CDH12: variants seen among roughly 807,000 people sequenced by gnomAD.
The protein encoded by CDH12 is cadherin-12.
Under a neutral mutation model 74.1 loss-of-function variants are expected in CDH12, and 41 were observed. The observed-to-expected ratio is 0.55, with a 90% CI of 0.43 to 0.72. CDH12 has a LOEUF of 0.72. CDH12 is among the 30% of genes least tolerant of loss of function. The pLI is 0.00. For synonymous variants in CDH12, 399 were observed against 355.0 expected (o/e 1.12, Z -1.39); for missense variants, 945 against 977.2 (o/e 0.97, Z 0.44).
intron 1 of CDH12, among the ~76,000 whole-genome samples, chr5:22,849,664 C>T (rs1483599295): frequency 2.0e-5 from 3 of 152,040 alleles, no homozygotes; most frequent in East Asian, 1.9e-4. Flanking sequence ...TCCTGTATTT[C>T]CCTAATGGGT....
At chr5:22,025,635 C>T (rs1738296887) in intron 5 of CDH12, among the ~76,000 whole-genome samples, 1 of 152,140 alleles carries the variant, frequency 6.6e-6, no homozygotes, top group Non-Finnish European at 1.5e-5. Context: ...ATTCACTCTT[C>T]CTTTCACAAG....
chr5:22,107,447 T>C (rs1744529352), intron 4 of CDH12, among the ~76,000 whole-genome samples: 1 of 86,590 alleles, frequency 1.2e-5, no homozygotes. Context: ...TCTTCATATA[T>C]ATATGTATAT....
intron 1 of CDH12, among the ~76,000 whole-genome samples, chr5:22,715,023 T>G (rs1163309732): frequency 2.0e-5 from 3 of 152,204 alleles, no homozygotes; most frequent in Admixed American, 2.0e-4. Context: ...TCTGCTTAAG[T>G]AAAGTACAAG....
In CDH12 at chr5:21,791,450, G is replaced by A. The variant is rs1746493074; in HGVS notation, c.1257-7956C>T. ...TGCAACAGTCTACTTACAATCTAAG[G>A]ATAAAATATTATTGGAATTGCAACT... On this transcript the variant is annotated intron_variant, in intron 10 of 14. Transcript: ENST00000382254. Among the ~76,000 whole-genome samples, 3 of 151,872 alleles carry A rather than the reference G, an allele frequency of 2.0e-5. No homozygotes were observed. In the South Asian group the frequency reaches 6.2e-4, roughly 31 times the overall value.
chr5:21,909,184 G>A (rs978087091), intron 6 of CDH12, among the ~76,000 whole-genome samples: 3 of 152,122 alleles, frequency 2.0e-5, no homozygotes, highest in African/African-American at 7.2e-5. Context: ...TTCTGTTCCT[G>A]TGTTCATCTA....
intron 1 of CDH12, among the ~76,000 whole-genome samples, chr5:22,830,506 T>C (rs1171493193): frequency 6.6e-6 from 1 of 151,808 alleles, no homozygotes; most frequent in Non-Finnish European, 1.5e-5. Context: ...AATTAATATA[T>C]ATAATTAGAA....
intron 4 of CDH12, among the ~76,000 whole-genome samples, chr5:22,194,617 G>T (rs1194394583): frequency 1.3e-5 from 2 of 152,014 alleles, no homozygotes; most frequent in Admixed American, 6.6e-5. Context: ...CAGGTGTGAG[G>T]CACCGTGACT....
rs1300335595 is a variant in CDH12, at chr5:21,971,013, C to T, written c.526+4078G>A. On this transcript the variant is annotated intron_variant, in intron 6 of 14. Coordinates refer to ENST00000382254, the MANE Select transcript of CDH12 (RefSeq NM_004061.5). ...AGAAAGGCAAGGGAGTACCTGTTCACTATTTTTATTAAACCAGTGTTCTAC... is the reference window on the plus strand; with the variant it reads ...AGAAAGGCAAGGGAGTACCTGTTCATTATTTTTATTAAACCAGTGTTCTAC... Among the ~76,000 whole-genome samples, 4 of 151,786 alleles carry T rather than the reference C, an allele frequency of 2.6e-5. No individual in the cohort carries two copies. In the East Asian group the frequency reaches 7.7e-4, roughly 29 times the overall value.
At chr5:22,792,834 C>A (rs1330090811) in intron 1 of CDH12, among the ~76,000 whole-genome samples, 1 of 152,152 alleles carries the variant, frequency 6.6e-6, no homozygotes, top group Non-Finnish European at 1.5e-5. Flanking sequence ...CTCCTGGTGT[C>A]ATTCATAGAT....
At chr5:21,948,118 G>A (rs1164449624) in intron 6 of CDH12, among the ~76,000 whole-genome samples, 4 of 152,206 alleles carry the variant, frequency 2.6e-5, no homozygotes, top group African/African-American at 9.6e-5. Context: ...AGCCATCATG[G>A]AGAACCTCTG....
chr5:22,482,798 G>C (rs1473368075), intron 2 of CDH12, among the ~76,000 whole-genome samples: 2 of 152,082 alleles, frequency 1.3e-5, no homozygotes, highest in African/African-American at 4.8e-5. Context: ...AAATATGATT[G>C]TGTCGGGGAT....
intron 1 of CDH12, among the ~76,000 whole-genome samples, chr5:22,699,042 C>T (rs1302342390): frequency 6.6e-6 from 1 of 151,828 alleles, no homozygotes; most frequent in Admixed American, 6.6e-5. Context: ...ATTACCTCTA[C>T]AACAGTCATG....
At chr5:22,418,152 G>T (rs1743480236) in intron 2 of CDH12, among the ~76,000 whole-genome samples, 1 of 152,072 alleles carries the variant, frequency 6.6e-6, no homozygotes, top group African/African-American at 2.4e-5. Flanking sequence ...TCCTTGAAGA[G>T]GTCCTTTACA....
intron 1 of CDH12, among the ~76,000 whole-genome samples, chr5:22,650,238 G>T (rs186662920): frequency 2.0e-5 from 3 of 152,032 alleles, no homozygotes; most frequent in East Asian, 3.9e-4. Context: ...AAAATCTTTG[G>T]GAAGATGCAC....
intron 5 of CDH12, among the ~76,000 whole-genome samples, chr5:22,015,793 C>T (rs1368552761): frequency 2.6e-5 from 4 of 152,160 alleles, no homozygotes; most frequent in South Asian, 2.1e-4. Context: ...AATCAGTATA[C>T]ATTCATCTGG....
At chr5:22,822,338 T>G (rs891156535) in intron 1 of CDH12, among the ~76,000 whole-genome samples, 13 of 152,194 alleles carry the variant, frequency 8.5e-5, no homozygotes, top group Admixed American at 3.9e-4. Flanking sequence ...ACTTCATGTC[T>G]AAAACACCAA....
intron 6 of CDH12, among the ~76,000 whole-genome samples, chr5:21,925,699 C>A (rs1257995906): frequency 6.6e-6 from 1 of 152,086 alleles, no homozygotes; most frequent in Non-Finnish European, 1.5e-5. Context: ...GACATAAGAA[C>A]TGTATCCATA....
At chr5:22,419,202 C>A (rs559167986) in intron 2 of CDH12, among the ~76,000 whole-genome samples, 6 of 152,164 alleles carry the variant, frequency 3.9e-5, no homozygotes, top group African/African-American at 1.2e-4. Flanking sequence ...GTTTGTTACA[C>A]CGGTAAACAC....
At chr5:21,814,549 T>C in intron 9 of CDH12, among the ~76,000 whole-genome samples, 1 of 151,452 alleles carries the variant, frequency 6.6e-6, no homozygotes, top group East Asian at 1.9e-4. Flanking sequence ...CACCTAGACA[T>C]TGATTACTTA....
Sources: gnomAD v4.1 joint callset for allele counts (sites outside exome capture counted in the v4.1 genomes callset) on GRCh38, gnomAD v4.1.1 for gene constraint, MANE v1.5 for transcripts, NCBI Gene and HGNC (gene_info 2026-07-23, HGNC 2026-07-21) for gene names.